FAM81B: variants seen among roughly 807,000 people sequenced by gnomAD.
The protein encoded by FAM81B is protein FAM81B.
In FAM81B, 60 loss-of-function variants were observed where a neutral mutation model predicts 58.7. The observed-to-expected ratio is 1.02, with a 90% confidence interval of 0.83 to 1.27. The LOEUF (loss-of-function observed/expected upper bound fraction) is 1.27, where lower values mean the gene tolerates loss of function less well. Among genes scored for constraint, FAM81B ranks in the 50% most tolerant of loss-of-function variants. FAM81B has a pLI of 0.00. For missense variants in FAM81B, 491 were observed against 522.0 expected (o/e 0.94, Z 0.58); for synonymous variants, 189 against 179.6 (o/e 1.05, Z -0.42).
rs1762471509 is a variant in FAM81B at position 95,414,033 on chromosome 5, T to C, written c.380T>C (p.Phe127Ser). 1.2e-6 allele frequency: 2 copies of C among 1,613,996 alleles called. No individual in the cohort carries two copies. Among genetic ancestry groups the C allele is most frequent in the African/African-American group, 2.7e-5 (2 of 74,920 alleles). ...AACAACCAGGCGCGTACCATAGCTT[T>C]CCTTCTTGAACAAGCCTTCCGCATC... ...RLNNQARTIAFLLEQAFRIKE... is the reference protein window; with the variant it reads ...RLNNQARTIASLLEQAFRIKE... Residue 127 changes from phenylalanine (F) to serine (S), a missense_variant, in exon 4 of 10, where the codon TTC becomes TCC. Transcript: ENST00000283357.
At chr5:95,414,285 A>C (rs1450688816) in intron 4 of FAM81B, 95 bp downstream of exon 4, 6 of 1,309,836 alleles carry the variant, frequency 4.6e-6, no homozygotes, top group Non-Finnish European at 6.3e-6. Context: ...TTTCAAGTGC[A>C]GAAATATATC....
chr5:95,419,311 A>G (rs1762617628), intron 4 of FAM81B, among the ~76,000 whole-genome samples: 1 of 152,186 alleles, frequency 6.6e-6, no homozygotes, highest in African/African-American at 2.4e-5. Flanking sequence ...ATTCATAACC[A>G]TAGTTTAAAC....
chr5:95,404,978 T>C (rs1361426783), intron 3 of FAM81B, among the ~76,000 whole-genome samples: 1 of 152,126 alleles, frequency 6.6e-6, no homozygotes, highest in Non-Finnish European at 1.5e-5. Context: ...TCTGAGAGAA[T>C]GGATAAGCCA....
At chr5:95,440,514 A>G (rs1278899040) in intron 7 of FAM81B, 4 of 584,400 alleles carry the variant, frequency 6.8e-6, no homozygotes, top group East Asian at 7.8e-5. Flanking sequence ...TAGACAAAAT[A>G]TTATTGGTTT....
At chr5:95,446,186 C>G (rs1308783269) in intron 7 of FAM81B, among the ~76,000 whole-genome samples, 1 of 152,074 alleles carries the variant, frequency 6.6e-6, no homozygotes, top group Non-Finnish European at 1.5e-5. Context: ...AGTAATAATC[C>G]CCACCACAAG....
intron 6 of FAM81B, among the ~76,000 whole-genome samples, chr5:95,433,452 G>A (rs958894315): frequency 2.0e-5 from 3 of 152,086 alleles, no homozygotes; most frequent in African/African-American, 7.2e-5. Context: ...GGGATTATGG[G>A]AATTACAATT....
intron 5 of FAM81B, among the ~76,000 whole-genome samples, chr5:95,426,865 G>C (rs528534161): frequency 5.9e-5 from 9 of 152,262 alleles, no homozygotes; most frequent in Non-Finnish European, 8.8e-5. Flanking sequence ...TGGCTAAGAC[G>C]GTGAAACCCC....
chr5:95,410,393 A>T (rs1411202069), intron 3 of FAM81B, among the ~76,000 whole-genome samples: 1 of 152,172 alleles, frequency 6.6e-6, no homozygotes, highest in Non-Finnish European at 1.5e-5. Flanking sequence ...ATTTCTGATA[A>T]ACACAGCTAA....
At chr5:95,402,707 G>T (rs79061575) in intron 3 of FAM81B, among the ~76,000 whole-genome samples, 4,075 of 152,186 alleles carry the variant, frequency 0.027, 96 homozygotes, top group African/African-American at 0.058. Flanking sequence ...GTCTGCCCTC[G>T]CATTGCTCTC....
At chr5:95,417,993 C>T (rs1419845028) in intron 4 of FAM81B, among the ~76,000 whole-genome samples, 4 of 152,202 alleles carry the variant, frequency 2.6e-5, no homozygotes, top group Non-Finnish European at 4.4e-5. Context: ...AGTCCTCCCA[C>T]CTTCATCTGT....
intron 5 of FAM81B, among the ~76,000 whole-genome samples, chr5:95,425,767 T>G (rs1171370636): frequency 6.6e-6 from 1 of 152,170 alleles, no homozygotes; most frequent in Non-Finnish European, 1.5e-5. Context: ...AGCAAATTTT[T>G]TTTTAAATGT....
At position 95,420,375 on chromosome 5, in the gene FAM81B, T is replaced by C. The variant is rs763704545; in HGVS notation, c.629T>C (p.Val210Ala). The part of the protein sequence containing the change: ...HEINIKHLQG[V>A]GDLRGRVARC... ...ATAAACATCAAACACCTACAAGGAG[T>C]TGGAGATCTTCGAGGAAGAGTAGCC... The change falls in exon 5 of 10, where the codon GTT becomes GCT. Residue 210 changes from valine (V) to alanine (A), a missense_variant. Val to Ala is a moderately conservative substitution (Grantham distance 64, BLOSUM62 0). Coordinates refer to ENST00000283357, the MANE Select transcript of FAM81B (RefSeq NM_152548.3). 5.0e-6 allele frequency: 8 copies of C among 1,613,374 alleles called. No individual in the cohort carries two copies. The highest frequency in any genetic ancestry group is 6.8e-6 in the Non-Finnish European group (8 of 1,179,646).
intron 5 of FAM81B, chr5:95,423,993 C>G: frequency 6.2e-6 from 8 of 1,287,726 alleles, no homozygotes; most frequent in Non-Finnish European, 7.1e-6. Flanking sequence ...CAACACCAAA[C>G]AGCCGGGAGG....
intron 7 of FAM81B, among the ~76,000 whole-genome samples, chr5:95,439,327 C>A (rs570575169): frequency 1.4e-5 from 2 of 147,142 alleles, no homozygotes; most frequent in East Asian, 2.0e-4. Flanking sequence ...CTTCGACCAG[C>A]AATGTATGAG....
At chr5:95,395,483 T>C (rs922727562) in intron 2 of FAM81B, among the ~76,000 whole-genome samples, 5 of 150,328 alleles carry the variant, frequency 3.3e-5, no homozygotes, top group African/African-American at 4.9e-5. Flanking sequence ...ATTTTTGAGA[T>C]ATGAAAAACA....
At chr5:95,402,880 A>T (rs1762150550) in intron 3 of FAM81B, among the ~76,000 whole-genome samples, 1 of 152,208 alleles carries the variant, frequency 6.6e-6, no homozygotes. Flanking sequence ...ACACAGCAAA[A>T]TAGGCCTTGT....
At chr5:95,432,792 T>C (rs1005678752) in intron 6 of FAM81B, among the ~76,000 whole-genome samples, 4 of 152,140 alleles carry the variant, frequency 2.6e-5, no homozygotes, top group African/African-American at 9.6e-5. Context: ...TTGATTAGGT[T>C]AGGTGTGCCT....
In FAM81B at chr5:95,393,308, C is replaced by A. The variant is rs190320411; in HGVS notation, c.228+411C>A. ...CATTTTTTAAAGCAGTGTTTTTAGA[C>A]TTTTTTTGCACTTCTCTTAACACCT... On this transcript the variant is annotated intron_variant, in intron 2 of 9. Coordinates refer to ENST00000283357, the MANE Select transcript of FAM81B (RefSeq NM_152548.3). 2.5e-3 allele frequency among the ~76,000 whole-genome samples: 383 copies of A among 152,226 alleles called. 3 individuals carry two copies. Among genetic ancestry groups the A allele is most frequent in the South Asian group, 0.017 (80 of 4,832 alleles).
intron 7 of FAM81B, chr5:95,440,074 A>G: frequency 2.0e-6 from 1 of 489,316 alleles, no homozygotes; most frequent in Non-Finnish European, 4.0e-6. Context: ...TGAAGACCAG[A>G]AAATTAGACA....
Sources: allele counts gnomAD v4.1 joint callset (sites outside exome capture counted in the v4.1 genomes callset), GRCh38; gene constraint gnomAD v4.1.1; transcripts MANE v1.5; gene names NCBI Gene and HGNC (gene_info 2026-07-23, HGNC 2026-07-21).